The following HMGN4 variants were observed in gnomAD, a reference collection of about 807,000 sequenced individuals.
HMGN4 encodes high mobility group nucleosomal binding domain 4, also known as high mobility group nucleosome-binding domain-containing protein 4.
For synonymous variants in HMGN4, 39 were observed against 39.1 expected, an observed-to-expected ratio of 1.00 and a Z score of 0.01; for missense variants, 69 against 104.9, an observed-to-expected ratio of 0.66 and a Z score of 1.49.
intron 1 of HMGN4, 51 bp downstream of exon 1, chr6:26,538,552 T>TGG (rs397729862): frequency 0.029 from 4,365 of 151,690 alleles, 77 homozygotes; most frequent in South Asian, 0.072. Context: ...AGGGGCGTGG[T>TGG]GGGGGGGGTC....
chr6:26,543,768 C>CAAA (rs60635902), intron 1 of HMGN4, among the ~76,000 whole-genome samples: 8 of 38,330 alleles, frequency 2.1e-4, no homozygotes, highest in Admixed American at 3.5e-4. Context: ...GACTCTATCT[C>CAAA]AAAAAAAAAA....
Position 26,545,169 on chromosome 6 carries a change from C to A in HMGN4, c.-38C>A, listed in dbSNP as rs777027295. The A allele has an allele frequency of 6.5e-7, 1 of 1,542,140 alleles. No homozygotes were observed. The highest frequency in any genetic ancestry group is 8.7e-7 in the Non-Finnish European group (1 of 1,144,886). The stretch of plus-strand genomic sequence containing the variant: ...GCGTGAGGAGGACAGAAGCACCCAA[C>A]AGGACTGCTCAAGCCACCTGCGAAC... On this transcript the variant is annotated 5_prime_UTR_variant, in exon 2 of 2. Transcript: ENST00000377575.
rs149760275 is a variant in HMGN4 at position 26,545,584 on chromosome 6, T to G, written c.*105T>G. The G allele has an allele frequency of 1.6e-5, 17 of 1,091,698 alleles. No individual in the cohort carries two copies. The East Asian group carries it at 4.3e-4, about 27-fold the overall frequency. 67.6% of individuals were successfully genotyped at this position (1,091,698 alleles called of 1,614,324 possible). A position where few individuals can be genotyped will look rare whatever the true frequency, so the allele number is the denominator to read the frequency against. On this transcript the variant is annotated 3_prime_UTR_variant, in exon 2 of 2. Coordinates refer to ENST00000377575, the MANE Select transcript of HMGN4 (RefSeq NM_006353.3). The stretch of plus-strand genomic sequence containing the variant: ...AGTGTAGAATTTTGGCTTTTTTAAG[T>G]TATGTTGTTAGCACACAGGACACTT...
Position 26,545,433 on chromosome 6 carries a change from C to G in HMGN4, c.227C>G (p.Ser76Cys), listed in dbSNP as rs1175600338. 2.5e-6 allele frequency: 4 copies of G among 1,603,284 alleles called. No homozygotes were observed. In the South Asian group the frequency reaches 4.5e-5, roughly 18 times the overall value. ...GNNPAKNRDASTLQSQKAEGT... is the reference protein window; with the variant it reads ...GNNPAKNRDACTLQSQKAEGT... ...AACCCTGCAAAAAACCGAGATGCCT[C>G]TACACTCCAGTCCCAGAAAGCGGAA... Residue 76 changes from serine to cysteine, a missense_variant, in exon 2 of 2, where the codon TCT (serine) becomes TGT (cysteine). Physicochemically the swap from Ser to Cys is moderately radical, Grantham distance 112 (BLOSUM62 -1). Coordinates refer to ENST00000377575, the MANE Select transcript of HMGN4 (RefSeq NM_006353.3).
intron 1 of HMGN4, among the ~76,000 whole-genome samples, chr6:26,541,150 A>C (rs991943589): frequency 6.6e-6 from 1 of 151,890 alleles, no homozygotes; most frequent in Non-Finnish European, 1.5e-5. Flanking sequence ...GGGTTCAAGC[A>C]ATTCTCCTGC....
At chr6:26,543,255 T>C (rs1764307862) in intron 1 of HMGN4, among the ~76,000 whole-genome samples, 1 of 152,000 alleles carries the variant, frequency 6.6e-6, no homozygotes. Context: ...TCCTTTTGTT[T>C]CCTAAAAATT....
chr6:26,544,856 C>T (rs1055162691), intron 1 of HMGN4, among the ~76,000 whole-genome samples: 1 of 152,150 alleles, frequency 6.6e-6, no homozygotes, highest in Non-Finnish European at 1.5e-5. Context: ...CCAAGAAGTA[C>T]CTGTTAACAT....
At chr6:26,541,571 T>C (rs1764288118) in intron 1 of HMGN4, among the ~76,000 whole-genome samples, 1 of 152,132 alleles carries the variant, frequency 6.6e-6, no homozygotes, top group African/African-American at 2.4e-5. Context: ...TGTATCCTAA[T>C]CTCCTCTTCC....
intron 1 of HMGN4, among the ~76,000 whole-genome samples, chr6:26,540,255 A>C (rs1199631054): frequency 6.6e-6 from 1 of 152,126 alleles, no homozygotes; most frequent in Admixed American, 6.5e-5. Flanking sequence ...AAGATGAAGA[A>C]CAAACGCCCT....
In HMGN4 at chr6:26,543,421, C is replaced by CTTTTTTTTT. The variant is rs70977285; in HGVS notation, c.-80-1696_-80-1688dup. Among the ~76,000 whole-genome samples, 20 of 80,132 alleles carry CTTTTTTTTT rather than the reference C, an allele frequency of 2.5e-4. 4 individuals are homozygous for CTTTTTTTTT. Among genetic ancestry groups the CTTTTTTTTT allele is most frequent in the Admixed American group, 8.3e-4 (5 of 6,050 alleles). 52.6% of individuals were successfully genotyped at this position (80,132 alleles called of 152,430 possible). ...CTGTATGTCTCAGTGGCACCATTACCTTTTTTTTTTTTTTTTTTGAAGCAG... is the reference window on the plus strand; with the variant it reads ...CTGTATGTCTCAGTGGCACCATTACCTTTTTTTTTTTTTTTTTTTTTTTTTTTGAAGCAG... On this transcript the variant is annotated intron_variant, in intron 1 of 1. Transcript: ENST00000377575.
rs1306333076 is a variant in HMGN4, at chr6:26,546,403, T to C, written c.*924T>C. ...GAAATTCAACTTAACATTTTTCATA[T>C]TCGAAGTGGTTGTCTCTGCACTATT... On this transcript the variant is annotated 3_prime_UTR_variant, in exon 2 of 2. Transcript: ENST00000377575. 6.0e-6 allele frequency: 1 copy of C among 167,068 alleles called. No homozygotes were observed. The highest frequency in any genetic ancestry group is 1.5e-5 in the Non-Finnish European group (1 of 68,122). 10.3% of individuals were successfully genotyped at this position (167,068 alleles called of 1,614,324 possible).
At chr6:26,544,222 A>G (rs1242436716) in intron 1 of HMGN4, among the ~76,000 whole-genome samples, 2 of 152,118 alleles carry the variant, frequency 1.3e-5, no homozygotes, top group Non-Finnish European at 2.9e-5. Flanking sequence ...AACTCCCAAG[A>G]GATGACCACT....
At chr6:26,541,040 C>G (rs368775873) in intron 1 of HMGN4, among the ~76,000 whole-genome samples, 24 of 152,142 alleles carry the variant, frequency 1.6e-4, no homozygotes, top group African/African-American at 5.6e-4. Context: ...AGATGTTTCC[C>G]TAGTCATTAC....
Position 26,546,562 on chromosome 6 carries a change from A to C in HMGN4, c.*1083A>C, listed in dbSNP as rs1408091014. On this transcript the variant is annotated 3_prime_UTR_variant, in exon 2 of 2. Coordinates refer to ENST00000377575, the MANE Select transcript of HMGN4 (RefSeq NM_006353.3). ...TCAATTTGTCTAATCTTGTAGCAGT[A>C]CAGTACAGTCCTGATTATTGCAACT... is the stretch of plus-strand genomic sequence containing the variant. Among the ~76,000 whole-genome samples the C allele has an allele frequency of 6.6e-6, 1 of 152,184 alleles. No individual in the cohort carries two copies. The highest frequency in any genetic ancestry group is 1.9e-4 in the East Asian group (1 of 5,194).
chr6:26,539,770 G>C (rs970267170), intron 1 of HMGN4: 1 of 152,050 alleles, frequency 6.6e-6, no homozygotes, highest in African/African-American at 2.4e-5. Context: ...TCATCTTGCT[G>C]GTTCCCTTAA....
At position 26,545,208 on chromosome 6, in the gene HMGN4, T is replaced by TGA. The variant is rs1764333992; in HGVS notation, c.3_4insAG (p.Pro2_?1). 1 of 1,604,186 alleles carries TGA rather than the reference T, an allele frequency of 6.2e-7. No homozygotes were observed. The highest frequency in any genetic ancestry group is 8.5e-7 in the Non-Finnish European group (1 of 1,174,960). ...CCACCTGCGAACACTGCTGCTACCA[T>TGA]GCCCAAGAGAAAGGCAAAAGGAGAT... On this transcript the variant is annotated frameshift_variant and start_lost, in exon 2 of 2. Transcript: ENST00000377575. LOFTEE classifies it low-confidence loss of function (END_TRUNC).
chr6:26,544,397 C>T (rs894952158), intron 1 of HMGN4, among the ~76,000 whole-genome samples: 1 of 152,154 alleles, frequency 6.6e-6, no homozygotes, highest in Non-Finnish European at 1.5e-5. Flanking sequence ...CGTTTTTGAA[C>T]CTACCTGTAA....
Position 26,545,861 on chromosome 6 carries a change from C to T in HMGN4, c.*382C>T. The stretch of plus-strand genomic sequence containing the variant: ...TCAGCATAGACTTGACTTCCTTAAA[C>T]CGAGAGTTTTGATGTGGCCTTGGCA... On this transcript the variant is annotated 3_prime_UTR_variant, in exon 2 of 2. Coordinates refer to ENST00000377575, the MANE Select transcript of HMGN4 (RefSeq NM_006353.3). 1 of 168,450 alleles carries T rather than the reference C, an allele frequency of 5.9e-6. No homozygotes were observed. The allele number at this position is 168,450 out of a possible 1,614,324, so 10.4% of individuals were successfully genotyped here.
chr6:26,545,184 C>T lies in HMGN4; in HGVS notation c.-23C>T. On this transcript the variant is annotated 5_prime_UTR_variant, in exon 2 of 2. Coordinates refer to ENST00000377575, the MANE Select transcript of HMGN4 (RefSeq NM_006353.3). ...AAGCACCCAACAGGACTGCTCAAGC[C>T]ACCTGCGAACACTGCTGCTACCATG... is the stretch of plus-strand genomic sequence containing the variant. 2 of 1,573,040 alleles carry T rather than the reference C, an allele frequency of 1.3e-6. No individual in the cohort carries two copies. The highest frequency in any genetic ancestry group is 1.2e-5 in the South Asian group (1 of 84,048).
Sources: gnomAD v4.1 joint callset for allele counts (sites outside exome capture counted in the v4.1 genomes callset) on GRCh38, gnomAD v4.1.1 for gene constraint, MANE v1.5 for transcripts, NCBI Gene and HGNC (gene_info 2026-07-23, HGNC 2026-07-21) for gene names.